Variants in LIN28B observed in about 807,000 individuals in gnomAD.
LIN28B encodes the protein protein lin-28 homolog B.
A neutral mutation model predicts 21.9 loss-of-function variants in LIN28B; 5 were observed. The observed-to-expected ratio is 0.23, with a 90% CI of 0.12 to 0.48. The LOEUF (loss-of-function observed/expected upper bound fraction) is 0.48. Among genes scored for constraint, LIN28B ranks in the 20% least tolerant of loss-of-function variants. The pLI, the probability that LIN28B is intolerant of heterozygous loss-of-function variation, is 0.98. For missense variants in LIN28B, 245 were observed against 310.5 expected, an observed-to-expected ratio of 0.79 and a Z score of 1.58; for synonymous variants, 109 against 111.3, an observed-to-expected ratio of 0.98 and a Z score of 0.13.
intron 2 of LIN28B, among the ~76,000 whole-genome samples, chr6:104,978,067 C>A (rs1205475500): frequency 2.0e-5 from 3 of 152,200 alleles, no homozygotes; most frequent in Non-Finnish European, 2.9e-5. Flanking sequence ...TATATTCCAT[C>A]CCCTTCTAAT....
chr6:105,050,527 G>A (rs1203797619), intron 3 of LIN28B, among the ~76,000 whole-genome samples: 10 of 145,934 alleles, frequency 6.9e-5, no homozygotes, highest in African/African-American at 1.5e-4. Context: ...GCGTGAACCC[G>A]GGAAGCGGAG....
intron 2 of LIN28B, among the ~76,000 whole-genome samples, chr6:105,001,081 C>A (rs1274077451): frequency 6.6e-6 from 1 of 152,172 alleles, no homozygotes; most frequent in Non-Finnish European, 1.5e-5. Flanking sequence ...GCTGTTGTTA[C>A]TTCACTCATT....
rs547320280 is a variant in LIN28B at position 105,052,570 on chromosome 6, A to G, written c.384-25844A>G. ...TGCCCCCATGACCCAAATACTTCCTATTAGGCCCTGCTTTCCAGTACTGCT... is the reference window on the plus strand; with the variant it reads ...TGCCCCCATGACCCAAATACTTCCTGTTAGGCCCTGCTTTCCAGTACTGCT... On this transcript the variant is annotated intron_variant, in intron 3 of 3. Coordinates refer to ENST00000345080, the MANE Select transcript of LIN28B (RefSeq NM_001004317.4). Among the ~76,000 whole-genome samples the G allele has an allele frequency of 7.9e-5, 12 of 152,306 alleles. No homozygotes were observed. In the South Asian group the frequency reaches 1.2e-3, roughly 16 times the overall value.
intron 3 of LIN28B, among the ~76,000 whole-genome samples, chr6:105,068,209 G>A (rs1451978615): frequency 6.6e-6 from 1 of 152,144 alleles, no homozygotes; most frequent in Non-Finnish European, 1.5e-5. Flanking sequence ...GATAAAATGT[G>A]TAAATCTTAA....
intron 3 of LIN28B, among the ~76,000 whole-genome samples, chr6:105,049,227 G>A (rs948911585): frequency 2.0e-4 from 30 of 152,250 alleles, no homozygotes; most frequent in African/African-American, 7.2e-4. Flanking sequence ...GTTTCAAAGA[G>A]CATCTTTATT....
At chr6:104,944,696 T>A (rs1157183018) in intron 2 of LIN28B, among the ~76,000 whole-genome samples, 1 of 152,096 alleles carries the variant, frequency 6.6e-6, no homozygotes, top group Non-Finnish European at 1.5e-5. Flanking sequence ...TTGTAGAAAT[T>A]ACCTGAAAAG....
rs549434128 is a variant in LIN28B, at chr6:105,017,613, A to G, written c.199-8685A>G. ...TTTTCAGTTTTTGCAGCTGGAGCCC[A>G]TTATTCTAAGCAAATTAATGAGGGA... On this transcript the variant is annotated intron_variant, in intron 2 of 3. Transcript: ENST00000345080. Among the ~76,000 whole-genome samples the G allele has an allele frequency of 3.9e-5, 6 of 152,264 alleles. No individual in the cohort carries two copies. The South Asian group carries it at 1.0e-3, about 26-fold the overall frequency.
intron 3 of LIN28B, among the ~76,000 whole-genome samples, chr6:105,052,750 C>T (rs896488543): frequency 6.6e-5 from 10 of 151,960 alleles, no homozygotes; most frequent in Admixed American, 1.3e-4. Flanking sequence ...TTTTTCATTG[C>T]TGATAATGGC....
chr6:105,037,890 T>C (rs1771557249), intron 3 of LIN28B, among the ~76,000 whole-genome samples: 1 of 152,086 alleles, frequency 6.6e-6, no homozygotes, highest in South Asian at 2.1e-4. Context: ...TTATATTAAA[T>C]TTATTTTGTA....
At chr6:105,071,077 G>A (rs1772324470) in intron 3 of LIN28B, among the ~76,000 whole-genome samples, 1 of 152,076 alleles carries the variant, frequency 6.6e-6, no homozygotes, top group Non-Finnish European at 1.5e-5. Context: ...GAGTTTCACT[G>A]TGTTGGCCTG....
At chr6:105,012,421 A>T (rs967362883) in intron 2 of LIN28B, among the ~76,000 whole-genome samples, 4 of 151,868 alleles carry the variant, frequency 2.6e-5, no homozygotes. Flanking sequence ...GTGAGCTGAG[A>T]TCACACCATT....
intron 2 of LIN28B, among the ~76,000 whole-genome samples, chr6:105,018,939 T>C (rs1215034314): frequency 1.3e-5 from 2 of 151,920 alleles, no homozygotes; most frequent in Admixed American, 6.6e-5. Context: ...TGGTCTTTCT[T>C]TTCTTTTCTT....
At chr6:105,031,073 T>C (rs947443255) in intron 3 of LIN28B, among the ~76,000 whole-genome samples, 13 of 152,184 alleles carry the variant, frequency 8.5e-5, no homozygotes, top group Non-Finnish European at 1.6e-4. Flanking sequence ...GGCTTCTTTT[T>C]CCTTTTTTAA....
chr6:105,030,334 A>G (rs1771393641), intron 3 of LIN28B, among the ~76,000 whole-genome samples: 1 of 152,206 alleles, frequency 6.6e-6, no homozygotes, highest in Non-Finnish European at 1.5e-5. Context: ...TTGCTCCCCA[A>G]ATGTTTAAAA....
At chr6:105,066,701 C>T (rs1489795054) in intron 3 of LIN28B, among the ~76,000 whole-genome samples, 1 of 151,956 alleles carries the variant, frequency 6.6e-6, no homozygotes, top group African/African-American at 2.4e-5. Context: ...ACATTTACAT[C>T]TACTTCTCTA....
chr6:104,953,340 G>T (rs184772195), upstream of LIN28B, among the ~76,000 whole-genome samples: 176 of 152,228 alleles, frequency 1.2e-3, 1 homozygote, highest in African/African-American at 4.0e-3. Context: ...CATTTTCTTG[G>T]GTTCGGATTC....
intron 2 of LIN28B, among the ~76,000 whole-genome samples, chr6:104,965,286 T>C (rs577511391): frequency 1.3e-5 from 2 of 152,300 alleles, no homozygotes; most frequent in South Asian, 4.1e-4. Context: ...TCCCAGCACT[T>C]TGGGAGGCTG....
At chr6:105,032,816 G>A (rs553258265) in intron 3 of LIN28B, among the ~76,000 whole-genome samples, 4 of 152,112 alleles carry the variant, frequency 2.6e-5, no homozygotes, top group African/African-American at 9.6e-5. Context: ...CTGATATTAA[G>A]CAACTTTATA....
At position 104,974,938 on chromosome 6, in the gene LIN28B, G is replaced by T. The variant is rs942960586; in HGVS notation, c.198+16652G>T. Among the ~76,000 whole-genome samples the T allele has an allele frequency of 5.3e-5, 8 of 152,044 alleles. No individual in the cohort carries two copies. The East Asian group carries it at 1.6e-3, about 29-fold the overall frequency. On this transcript the variant is annotated intron_variant, in intron 2 of 3. Transcript: ENST00000345080. ...AGGTTCAAGTTGTTCTCCTGCCTCA[G>T]CCTCCCAAGTAGCTGGGATTACAGG...
Sources: gnomAD v4.1 joint callset for allele counts (sites outside exome capture counted in the v4.1 genomes callset) on GRCh38, gnomAD v4.1.1 for gene constraint, MANE v1.5 for transcripts, NCBI Gene and HGNC (gene_info 2026-07-23, HGNC 2026-07-21) for gene names.